GBF1: variants seen among roughly 807,000 people sequenced by gnomAD.
GBF1 encodes golgi brefeldin A resistant guanine nucleotide exchange factor 1.
GBF1 carries 114 observed loss-of-function variants against 210.5 expected under a neutral mutation model. The ratio of observed to expected loss-of-function variants is 0.54; its 90% CI spans 0.47 to 0.63. The LOEUF (loss-of-function observed/expected upper bound fraction) is 0.63. GBF1 is among the 30% of genes least tolerant of loss of function. The pLI is 0.00. For synonymous variants in GBF1, 850 were observed against 889.2 expected (o/e 0.96, Z 0.78); for missense variants, 1,851 against 2,357.7 (o/e 0.79, Z 4.45).
rs879575033 is a variant in GBF1, at chr10:102,260,473, C to CTTTTTTTTTTTTTT, written c.163+359_163+360insTTTTTTTTTTTTTT. On this transcript the variant is annotated intron_variant, in intron 3 of 39. Transcript: ENST00000369983. The stretch of plus-strand genomic sequence containing the variant: ...CTGTGCCTGGCCTATATTTTCCTTT[C>CTTTTTTTTTTTTTT]TTCTTTTTTTTTTTTTTTTTTTTTT... Among the ~76,000 whole-genome samples, 459 of 74,656 alleles carry CTTTTTTTTTTTTTT rather than the reference C, an allele frequency of 6.1e-3. 65 individuals are homozygous for CTTTTTTTTTTTTTT. Among genetic ancestry groups the CTTTTTTTTTTTTTT allele is most frequent in the African/African-American group, 0.012 (172 of 14,332 alleles). The allele number at this position is 74,656 out of a possible 152,430, so 49.0% of individuals were successfully genotyped here.
chr10:102,288,724 AAAAAAAAAAAAC>A (rs2076177357), intron 3 of GBF1, among the ~76,000 whole-genome samples: 4 of 145,376 alleles, frequency 2.8e-5, no homozygotes, highest in Admixed American at 6.9e-5. Context: ...TCTCAAAGGA[AAAAAAAAAAAAC>A]AAAAAAAAAA....
chr10:102,249,019 T>C (rs2071177883), intron 1 of GBF1, among the ~76,000 whole-genome samples: 1 of 152,222 alleles, frequency 6.6e-6, no homozygotes, highest in South Asian at 2.1e-4. Flanking sequence ...GACCACTCTT[T>C]CTATTTTTCA....
At chr10:102,260,763 C>T (rs2073101473) in intron 3 of GBF1, among the ~76,000 whole-genome samples, 1 of 151,968 alleles carries the variant, frequency 6.6e-6, no homozygotes, top group African/African-American at 2.4e-5. Flanking sequence ...AGGAATGAGC[C>T]ACTGCGCCTG....
In GBF1 at chr10:102,346,098, T is replaced by A. The variant is rs573796210; in HGVS notation, c.295+1916T>A. On this transcript the variant is annotated intron_variant, in intron 4 of 39. Coordinates refer to ENST00000369983, the MANE Select transcript of GBF1 (RefSeq NM_001377137.1). ...CCTTATTAATAATTTTTTTAATTTT[T>A]ATTTTTAGTAGAGACGGGGTTTCAC... Among the ~76,000 whole-genome samples, 4 of 152,340 alleles carry A rather than the reference T, an allele frequency of 2.6e-5. No individual in the cohort carries two copies. In the South Asian group the frequency reaches 6.2e-4, roughly 24 times the overall value.
rs1314397597 is a variant in GBF1 at position 102,259,031 on chromosome 10, A to G, written c.93A>G (p.Pro31=). 1.3e-6 allele frequency: 2 copies of G among 1,525,850 alleles called. No homozygotes were observed. The highest frequency in any genetic ancestry group is 1.7e-4 in the Middle Eastern group (1 of 5,942). 94.5% of individuals were successfully genotyped at this position (1,525,850 alleles called of 1,614,324 possible). ...ATGCCCGATGGAGCACCCATACACC[A>G]CTGGTAAGTGGGAAATGGATAAATA... The part of the protein sequence containing the change: ...KRNARWSTHT[P]LDEERDPLLH... Residue 31 remains proline, a synonymous_variant, in exon 2 of 40, where the codon CCA becomes CCG. Transcript: ENST00000369983.
chr10:102,304,678 G>A (rs1201753009), intron 3 of GBF1, among the ~76,000 whole-genome samples: 1 of 152,004 alleles, frequency 6.6e-6, no homozygotes, highest in African/African-American at 2.4e-5. Context: ...GGAGGCTGAG[G>A]CAGGAGAATT....
At chr10:102,334,691 T>A (rs2134382509) in intron 3 of GBF1, among the ~76,000 whole-genome samples, 1 of 151,750 alleles carries the variant, frequency 6.6e-6, no homozygotes, top group East Asian at 1.9e-4. Context: ...CTACTGAAAA[T>A]ACAAAAAATT....
At chr10:102,275,908 C>A (rs1317716034) in intron 3 of GBF1, among the ~76,000 whole-genome samples, 1 of 152,230 alleles carries the variant, frequency 6.6e-6, no homozygotes, top group Non-Finnish European at 1.5e-5. Flanking sequence ...TGAGCCAAGA[C>A]TGCATCTTAA....
chr10:102,351,544 G>A (rs975565498), intron 5 of GBF1, among the ~76,000 whole-genome samples, 170 bp downstream of exon 5: 3 of 152,152 alleles, frequency 2.0e-5, no homozygotes, highest in Admixed American at 1.3e-4. Context: ...TTTTTCTAAG[G>A]AAAATCAGTA....
chr10:102,323,240 A>G (rs2056591892), intron 3 of GBF1, among the ~76,000 whole-genome samples: 1 of 86,584 alleles, frequency 1.2e-5, no homozygotes. Flanking sequence ...TCCAAAATTG[A>G]AAAAAAAAAA....
upstream of GBF1, among the ~76,000 whole-genome samples, chr10:102,242,712 A>G (rs1012827164): frequency 2.0e-5 from 3 of 152,008 alleles, no homozygotes; most frequent in Admixed American, 2.0e-4. Flanking sequence ...GCGGATCACA[A>G]GGTCAGGAGA....
chr10:102,254,272 A>G (rs1022510581), intron 1 of GBF1, among the ~76,000 whole-genome samples: 6 of 152,140 alleles, frequency 3.9e-5, no homozygotes, highest in Admixed American at 1.3e-4. Context: ...TGTGGCACAC[A>G]CCTGTTGTCC....
At chr10:102,327,398 G>A (rs894483227) in intron 3 of GBF1, among the ~76,000 whole-genome samples, 5 of 152,296 alleles carry the variant, frequency 3.3e-5, no homozygotes, top group Admixed American at 6.5e-5. Context: ...GAGCACTTTC[G>A]CTCTTAGGTA....
chr10:102,256,071 T>C (rs868045196), intron 1 of GBF1, among the ~76,000 whole-genome samples: 37 of 152,130 alleles, frequency 2.4e-4, no homozygotes, highest in African/African-American at 8.7e-4. Flanking sequence ...GCAGCCTCCC[T>C]GGCAACTGGG....
chr10:102,275,082 T>C (rs2074828072), intron 3 of GBF1, among the ~76,000 whole-genome samples: 1 of 150,344 alleles, frequency 6.7e-6, no homozygotes, highest in African/African-American at 2.5e-5. Context: ...TGCAATCTCC[T>C]GCCCTCAAGT....
intron 30 of GBF1, among the ~76,000 whole-genome samples, chr10:102,375,936 A>C (rs1418291985): frequency 6.6e-6 from 1 of 151,804 alleles, no homozygotes; most frequent in Non-Finnish European, 1.5e-5. Context: ...AAATCGATAC[A>C]TCACTAAATC....
At chr10:102,242,885 C>T (rs1337179926), upstream of GBF1, among the ~76,000 whole-genome samples, 7 of 146,510 alleles carry the variant, frequency 4.8e-5, no homozygotes, top group South Asian at 2.1e-4. Flanking sequence ...GCTGAGATCG[C>T]GCCACTGCAC....
chr10:102,355,758 C>T (rs903683117), intron 8 of GBF1, among the ~76,000 whole-genome samples: 3 of 152,214 alleles, frequency 2.0e-5, no homozygotes, highest in Non-Finnish European at 4.4e-5. Flanking sequence ...AGAAAGGCTA[C>T]CTCATAAAAG....
intron 1 of GBF1, among the ~76,000 whole-genome samples, chr10:102,246,746 A>G (rs2070883749): frequency 6.6e-6 from 1 of 152,228 alleles, no homozygotes; most frequent in South Asian, 2.1e-4. Context: ...TTGTAAAGCT[A>G]TAAAAGTCCA....
Sources: allele counts gnomAD v4.1 joint callset (sites outside exome capture counted in the v4.1 genomes callset), GRCh38; gene constraint gnomAD v4.1.1; transcripts MANE v1.5; gene names NCBI Gene and HGNC (gene_info 2026-07-23, HGNC 2026-07-21).